Variants in TANGO6 observed in about 807,000 individuals in gnomAD.
TANGO6 encodes transport and Golgi organization protein 6 homolog.
In TANGO6, 90 loss-of-function variants were observed where a neutral mutation model predicts 114.2. That is an observed-to-expected ratio of 0.79 (90% CI 0.66 to 0.94). TANGO6 has a LOEUF of 0.94. TANGO6 is among the 40% of genes least tolerant of loss of function. The pLI is 0.00. For missense variants in TANGO6, 1,274 were observed against 1,315.3 expected, an observed-to-expected ratio of 0.97 and a Z score of 0.49; for synonymous variants, 477 against 509.8, an observed-to-expected ratio of 0.94 and a Z score of 0.87.
chr16:69,012,665 G>A (rs1017762772), intron 15 of TANGO6, among the ~76,000 whole-genome samples: 5 of 150,382 alleles, frequency 3.3e-5, no homozygotes, highest in Admixed American at 6.6e-5. Flanking sequence ...TCATCTAAAT[G>A]TTGTAGTCTG....
intron 17 of TANGO6, among the ~76,000 whole-genome samples, chr16:69,048,810 C>T (rs1380027922): frequency 6.6e-6 from 1 of 152,164 alleles, no homozygotes; most frequent in Non-Finnish European, 1.5e-5. Context: ...ATTTCAGGGG[C>T]TTACTTGTCC....
Position 69,022,010 on chromosome 16 carries a change from C to T in TANGO6, c.2843-818C>T, listed in dbSNP as rs534409036. Reference sequence around the variant, plus strand: ...AGGCCATTCTCCTACCTCAGCCTCTCATGTAGCTGGGACTACAGGCGCCCG... The same window carrying T: ...AGGCCATTCTCCTACCTCAGCCTCTTATGTAGCTGGGACTACAGGCGCCCG... On this transcript the variant is annotated intron_variant, in intron 15 of 17. Transcript: ENST00000261778. Among the ~76,000 whole-genome samples the T allele has an allele frequency of 4.4e-4, 66 of 151,542 alleles. 1 individual carries two copies. The highest frequency in any genetic ancestry group is 1.6e-3 in the African/African-American group (66 of 41,298).
chr16:69,079,458 T>C (rs1372756125), intron 17 of TANGO6, among the ~76,000 whole-genome samples: 1 of 151,826 alleles, frequency 6.6e-6, no homozygotes, highest in Non-Finnish European at 1.5e-5. Flanking sequence ...AGGAAAACAT[T>C]TGATAAATTT....
chr16:68,912,068 T>C (rs1962928878), intron 11 of TANGO6, among the ~76,000 whole-genome samples: 2 of 152,208 alleles, frequency 1.3e-5, no homozygotes, highest in Non-Finnish European at 2.9e-5. Flanking sequence ...TGGTACCTTG[T>C]TAAGTAAAGG....
chr16:69,027,444 T>C (rs1050666963), intron 16 of TANGO6, among the ~76,000 whole-genome samples: 1 of 152,144 alleles, frequency 6.6e-6, no homozygotes, highest in Non-Finnish European at 1.5e-5. Flanking sequence ...CTTTTTTTTT[T>C]AGTAACTTAG....
intron 9 of TANGO6, among the ~76,000 whole-genome samples, chr16:68,907,099 A>ATTTTTTTTTTT (rs546359676): frequency 7.9e-3 from 907 of 114,632 alleles, no homozygotes; most frequent in African/African-American, 9.3e-3. Flanking sequence ...CCAGACCTTG[A>ATTTTTTTTTTT]TTTTTTTTTT....
intron 15 of TANGO6, among the ~76,000 whole-genome samples, chr16:68,994,873 C>A (rs556772726): frequency 6.6e-6 from 1 of 151,988 alleles, no homozygotes; most frequent in African/African-American, 2.4e-5. Flanking sequence ...GAATAAGCCA[C>A]GGCACCCAGC....
intron 14 of TANGO6, among the ~76,000 whole-genome samples, chr16:68,962,320 A>C (rs76506835): frequency 0.058 from 8,833 of 152,132 alleles, 327 homozygotes; most frequent in Non-Finnish European, 0.077. Context: ...TGACTTAGAG[A>C]TGCAAGAGAG....
chr16:68,864,465 C>T (rs1962147025), intron 3 of TANGO6, among the ~76,000 whole-genome samples: 1 of 152,024 alleles, frequency 6.6e-6, no homozygotes, highest in Non-Finnish European at 1.5e-5. Flanking sequence ...CCTGTAGTTC[C>T]AGCTACTCTG....
At chr16:68,933,854 A>G (rs750002344) in intron 14 of TANGO6, 7 of 152,130 alleles carry the variant, frequency 4.6e-5, no homozygotes, top group Non-Finnish European at 7.3e-5. Context: ...CTTCACGTTG[A>G]TGTGTTCTGT....
chr16:68,994,619 G>A (rs1963974451), intron 15 of TANGO6, among the ~76,000 whole-genome samples: 1 of 151,104 alleles, frequency 6.6e-6, no homozygotes, highest in Non-Finnish European at 1.5e-5. Flanking sequence ...CTGTTACCCA[G>A]GCTGGAGTGC....
intron 7 of TANGO6, among the ~76,000 whole-genome samples, chr16:68,898,044 T>C (rs996452533): frequency 2.0e-5 from 3 of 152,152 alleles, no homozygotes; most frequent in South Asian, 2.1e-4. Context: ...GGCTTATTAT[T>C]TTTTGTACAA....
chr16:69,071,839 G>C (rs989111057), intron 17 of TANGO6, among the ~76,000 whole-genome samples: 59 of 152,356 alleles, frequency 3.9e-4, no homozygotes, highest in African/African-American at 1.2e-3. Context: ...CTTTTCCATT[G>C]AATGTGCACC....
intron 4 of TANGO6, among the ~76,000 whole-genome samples, chr16:68,869,968 GATAGGC>G (rs1167139278): frequency 6.6e-6 from 1 of 152,196 alleles, no homozygotes; most frequent in Non-Finnish European, 1.5e-5. Context: ...AGGGAGGCCT[GATAGGC>G]TGAGTTCAGG....
In TANGO6 at chr16:68,950,513, C is replaced by T. The variant is rs564755458; in HGVS notation, c.2701+20218C>T. Among the ~76,000 whole-genome samples, 995 of 131,268 alleles carry T rather than the reference C, an allele frequency of 7.6e-3. 17 individuals carry two copies. Among genetic ancestry groups the T allele is most frequent in the African/African-American group, 0.027 (942 of 34,878 alleles). The allele number at this position is 131,268 out of a possible 152,430, so 86.1% of individuals were successfully genotyped here. A position where few individuals can be genotyped will look rare whatever the true frequency, so the allele number is the denominator to read the frequency against. ...CTGGGAGGCGGAGGTTGCAGTGAGCCGAGATCGAGCCACTGTATTCCAGCC... is the reference window on the plus strand; with the variant it reads ...CTGGGAGGCGGAGGTTGCAGTGAGCTGAGATCGAGCCACTGTATTCCAGCC... On this transcript the variant is annotated intron_variant, in intron 14 of 17. Transcript: ENST00000261778.
At chr16:68,907,396 T>C in intron 9 of TANGO6, 47 bp from the exon 10 acceptor site, 2 of 1,510,840 alleles carry the variant, frequency 1.3e-6, no homozygotes, top group Non-Finnish European at 1.8e-6. Flanking sequence ...TAAAATTATG[T>C]GTATCTCTGG....
chr16:68,921,352 T>G (rs1963090008), intron 12 of TANGO6, among the ~76,000 whole-genome samples: 2 of 151,340 alleles, frequency 1.3e-5, no homozygotes, highest in Non-Finnish European at 1.5e-5. Context: ...CCAGCTAATT[T>G]TTTGTATTTA....
At chr16:68,929,900 C>G (rs1326447988) in intron 13 of TANGO6, among the ~76,000 whole-genome samples, 1 of 152,170 alleles carries the variant, frequency 6.6e-6, no homozygotes, top group African/African-American at 2.4e-5. Flanking sequence ...CAAACCTTGT[C>G]TCTTGTGTGT....
At chr16:69,069,007 GT>G (rs1960259420) in intron 17 of TANGO6, among the ~76,000 whole-genome samples, 1 of 152,128 alleles carries the variant, frequency 6.6e-6, no homozygotes, top group Admixed American at 6.6e-5. Flanking sequence ...ATGAGCCACC[GT>G]ACCCAGCCAT....
Sources: gnomAD v4.1 joint callset for allele counts (sites outside exome capture counted in the v4.1 genomes callset) on GRCh38, gnomAD v4.1.1 for gene constraint, MANE v1.5 for transcripts, NCBI Gene and HGNC (gene_info 2026-07-23, HGNC 2026-07-21) for gene names.